The following CRPPA variants were observed in gnomAD, a reference collection of about 807,000 sequenced individuals.
The protein encoded by CRPPA is CDP-L-ribitol pyrophosphorylase A, also known as D-ribitol-5-phosphate cytidylyltransferase.
Under a neutral mutation model 52.0 loss-of-function variants are expected in CRPPA, and 43 were observed. The ratio of observed to expected loss-of-function variants is 0.83; its 90% CI spans 0.65 to 1.07. The LOEUF (loss-of-function observed/expected upper bound fraction) is 1.07. Among genes scored for constraint, CRPPA ranks in the 50% least tolerant of loss-of-function variants. CRPPA has a pLI of 0.00. For missense variants in CRPPA, 629 were observed against 551.7 expected (o/e 1.14, Z -1.40); for synonymous variants, 250 against 203.5 (o/e 1.23, Z -1.94).
intron 6 of CRPPA, among the ~76,000 whole-genome samples, chr7:16,275,320 G>A (rs1276511978): frequency 2.0e-5 from 3 of 152,226 alleles, no homozygotes; most frequent in East Asian, 1.9e-4. Context: ...AACGTTCTCT[G>A]CTAGGGATAA....
intron 3 of CRPPA, among the ~76,000 whole-genome samples, chr7:16,335,152 T>TA (rs1400333931): frequency 4.1e-5 from 1 of 24,140 alleles, no homozygotes; most frequent in Non-Finnish European, 7.2e-5. Flanking sequence ...GACCCATCTC[T>TA]ACAAAAAAAA....
intron 2 of CRPPA, 70 bp from the exon 3 acceptor site, chr7:16,376,311 A>T: frequency 6.8e-7 from 1 of 1,470,708 alleles, no homozygotes; most frequent in East Asian, 2.3e-5. Flanking sequence ...TGAATTCAGT[A>T]TCTCACTTTT....
At position 16,314,516 on chromosome 7, in the gene CRPPA, A is replaced by C. The variant is rs77854884; in HGVS notation, c.685-5889T>G. On this transcript the variant is annotated intron_variant, in intron 3 of 9. Coordinates refer to ENST00000407010, the MANE Select transcript of CRPPA (RefSeq NM_001101426.4). ...TTACCTTCACTGCCTCCTCAACTGAAGTTTTTCCTTTATGTAGATCCATGT... is the reference window on the plus strand; with the variant it reads ...TTACCTTCACTGCCTCCTCAACTGACGTTTTTCCTTTATGTAGATCCATGT... 5.2e-3 allele frequency among the ~76,000 whole-genome samples: 797 copies of C among 152,148 alleles called. 7 individuals are homozygous for C. Among genetic ancestry groups the C allele is most frequent in the African/African-American group, 0.018 (733 of 41,550 alleles).
intron 1 of CRPPA, among the ~76,000 whole-genome samples, chr7:16,407,741 A>G (rs1044021611): frequency 5.9e-5 from 9 of 152,180 alleles, no homozygotes; most frequent in African/African-American, 2.2e-4. Context: ...AACAAAACCA[A>G]GAGCTACTTT....
At chr7:16,128,435 T>A (rs1455098499) in intron 9 of CRPPA, among the ~76,000 whole-genome samples, 1 of 152,144 alleles carries the variant, frequency 6.6e-6, no homozygotes, top group East Asian at 1.9e-4. Context: ...TAGGGAAATC[T>A]GAAGAGTTTT....
At chr7:16,306,178 T>C (rs1054780671) in intron 4 of CRPPA, among the ~76,000 whole-genome samples, 8 of 152,194 alleles carry the variant, frequency 5.3e-5, no homozygotes, top group Non-Finnish European at 1.2e-4. Context: ...CGTCTTCACT[T>C]GATTACATCT....
chr7:16,297,822 T>C (rs1179061142), intron 5 of CRPPA, among the ~76,000 whole-genome samples: 3 of 152,238 alleles, frequency 2.0e-5, no homozygotes, highest in Non-Finnish European at 4.4e-5. Context: ...ACTCTACCAC[T>C]GGCTTTCCTG....
intron 9 of CRPPA, among the ~76,000 whole-genome samples, chr7:16,190,274 T>C (rs1333970853): frequency 6.6e-6 from 1 of 152,212 alleles, no homozygotes; most frequent in Admixed American, 6.5e-5. Flanking sequence ...ACTAGAAAGC[T>C]ATTTTCAATT....
At chr7:16,151,591 G>A (rs1381879247) in intron 9 of CRPPA, among the ~76,000 whole-genome samples, 1 of 151,704 alleles carries the variant, frequency 6.6e-6, no homozygotes, top group African/African-American at 2.4e-5. Flanking sequence ...ACATTTTAAA[G>A]TATATTTTAA....
At chr7:16,177,764 G>A (rs1018447746) in intron 9 of CRPPA, among the ~76,000 whole-genome samples, 1 of 151,806 alleles carries the variant, frequency 6.6e-6, no homozygotes, top group East Asian at 1.9e-4. Flanking sequence ...CTTTTTAAAC[G>A]GAAGTACACA....
intron 8 of CRPPA, among the ~76,000 whole-genome samples, chr7:16,254,792 G>GAAGGACA (rs1783573898): frequency 9.8e-6 from 1 of 101,662 alleles, no homozygotes; most frequent in African/African-American, 4.1e-5. Flanking sequence ...AAAGAAAGAA[G>GAAGGACA]GAAAGAAAGA....
At chr7:16,352,845 A>G (rs1449125626) in intron 3 of CRPPA, among the ~76,000 whole-genome samples, 2 of 151,616 alleles carry the variant, frequency 1.3e-5, no homozygotes, top group African/African-American at 4.9e-5. Context: ...AAACAACTTA[A>G]GCGACCAAAG....
At chr7:16,302,111 A>C (rs760126423) in intron 4 of CRPPA, among the ~76,000 whole-genome samples, 1 of 152,082 alleles carries the variant, frequency 6.6e-6, no homozygotes, top group Non-Finnish European at 1.5e-5. Context: ...CTTAGATAAC[A>C]CGGTGAAACC....
chr7:16,348,945 C>G (rs1175975709), intron 3 of CRPPA, among the ~76,000 whole-genome samples: 1 of 152,154 alleles, frequency 6.6e-6, no homozygotes, highest in African/African-American at 2.4e-5. Context: ...CTGAATAGTC[C>G]TAGACCACAG....
rs997303753 is a variant in CRPPA, at chr7:16,092,242, C to T, written c.1252-443G>A. Among the ~76,000 whole-genome samples the T allele has an allele frequency of 2.6e-5, 4 of 152,084 alleles. No homozygotes were observed. In the East Asian group the frequency reaches 5.8e-4, roughly 22 times the overall value. ...TGCTTGCTGTTTGTAAAGTAAGAAT[C>T]GGGAAAATTCAAGAAATGAGTTATT... On this transcript the variant is annotated intron_variant, in intron 9 of 9. Coordinates refer to ENST00000407010, the MANE Select transcript of CRPPA (RefSeq NM_001101426.4).
chr7:16,417,737 T>C (rs934604897), intron 1 of CRPPA, among the ~76,000 whole-genome samples: 1 of 151,058 alleles, frequency 6.6e-6, no homozygotes, highest in African/African-American at 2.4e-5. Flanking sequence ...TCACACAATA[T>C]ACCCAGGTAA....
chr7:16,102,539 A>C lies in CRPPA; in HGVS notation c.1252-10740T>G, dbSNP rs199917196. ...CAGGCAACCTACAGAATGGGAGAAA[A>C]TTTTTGCCATCTATCTGTCTGACAA... is the stretch of plus-strand genomic sequence containing the variant. On this transcript the variant is annotated intron_variant, in intron 9 of 9. Transcript: ENST00000407010. Among the ~76,000 whole-genome samples the C allele has an allele frequency of 9.9e-5, 15 of 152,266 alleles. No homozygotes were observed. The East Asian group carries it at 2.3e-3, about 24-fold the overall frequency.
At chr7:16,381,940 T>C (rs1787102780) in intron 2 of CRPPA, among the ~76,000 whole-genome samples, 1 of 152,172 alleles carries the variant, frequency 6.6e-6, no homozygotes. Context: ...CTTCACTCTT[T>C]ATCCAATTTG....
intron 9 of CRPPA, among the ~76,000 whole-genome samples, chr7:16,117,063 A>G (rs1006295163): frequency 1.3e-5 from 2 of 152,144 alleles, no homozygotes; most frequent in African/African-American, 2.4e-5. Flanking sequence ...GCAGACTTCC[A>G]CATGTATTTT....
Sources: allele counts gnomAD v4.1 joint callset (sites outside exome capture counted in the v4.1 genomes callset), GRCh38; gene constraint gnomAD v4.1.1; transcripts MANE v1.5; gene names NCBI Gene and HGNC (gene_info 2026-07-23, HGNC 2026-07-21).